The following CAMK1D variants were observed in gnomAD, a reference collection of about 807,000 sequenced individuals.
CAMK1D encodes calcium/calmodulin dependent protein kinase ID, also known as calcium/calmodulin-dependent protein kinase type 1D.
A neutral mutation model predicts 47.7 loss-of-function variants in CAMK1D; 9 were observed. The ratio of observed to expected loss-of-function variants is 0.19; its 90% CI spans 0.11 to 0.33. The LOEUF is 0.33. Among genes scored for constraint, CAMK1D ranks in the 10% least tolerant of loss-of-function variants. The probability of loss-of-function intolerance (pLI) is 1.00; values close to 1 mark genes in which losing one functional copy is unlikely to be tolerated. For synonymous variants in CAMK1D, 184 were observed against 184.9 expected (o/e 0.99, Z 0.04); for missense variants, 291 against 488.7 (o/e 0.60, Z 3.81).
chr10:12,674,043 T>C (rs978863243), intron 3 of CAMK1D, among the ~76,000 whole-genome samples: 4 of 152,164 alleles, frequency 2.6e-5, no homozygotes, highest in Admixed American at 6.5e-5. Flanking sequence ...ACTCCTGGGC[T>C]CAAGCGATTC....
At chr10:12,389,047 A>T (rs1486785034) in intron 1 of CAMK1D, among the ~76,000 whole-genome samples, 1 of 152,156 alleles carries the variant, frequency 6.6e-6, no homozygotes, top group African/African-American at 2.4e-5. Context: ...TTCCTGTCCG[A>T]TCTGTCCAAG....
intron 3 of CAMK1D, among the ~76,000 whole-genome samples, chr10:12,705,656 A>G (rs1443870490): frequency 6.6e-6 from 1 of 152,136 alleles, no homozygotes; most frequent in Non-Finnish European, 1.5e-5. Flanking sequence ...CTCAAGGTAA[A>G]TGCAACCAGA....
At chr10:12,482,410 A>G (rs534288224) in intron 1 of CAMK1D, among the ~76,000 whole-genome samples, 48 of 152,296 alleles carry the variant, frequency 3.2e-4, no homozygotes, top group South Asian at 2.7e-3. Flanking sequence ...CGGTAGCCAA[A>G]ATGGAGAAGT....
intron 3 of CAMK1D, among the ~76,000 whole-genome samples, chr10:12,718,727 T>G (rs977267628): frequency 6.6e-6 from 1 of 152,258 alleles, no homozygotes; most frequent in Non-Finnish European, 1.5e-5. Flanking sequence ...ACATGCATCA[T>G]GACTTAGAAT....
At chr10:12,728,328 G>T (rs922083809) in intron 3 of CAMK1D, among the ~76,000 whole-genome samples, 2 of 152,250 alleles carry the variant, frequency 1.3e-5, no homozygotes, top group Non-Finnish European at 2.9e-5. Flanking sequence ...TGCATTGTGA[G>T]CCTTCTTGGC....
At chr10:12,458,903 A>G (rs1383244342) in intron 1 of CAMK1D, among the ~76,000 whole-genome samples, 10 of 136,168 alleles carry the variant, frequency 7.3e-5, no homozygotes, top group African/African-American at 2.5e-4. Flanking sequence ...TTTTGAGATG[A>G]AATCTCGCTC....
At chr10:12,649,992 A>G (rs1839915170) in intron 2 of CAMK1D, among the ~76,000 whole-genome samples, 2 of 152,236 alleles carry the variant, frequency 1.3e-5, no homozygotes, top group African/African-American at 2.4e-5. Flanking sequence ...CATCTCTGCA[A>G]GAGAAAACAC....
chr10:12,421,742 T>A, intron 1 of CAMK1D, among the ~76,000 whole-genome samples: 1 of 151,484 alleles, frequency 6.6e-6, no homozygotes, highest in Admixed American at 6.6e-5. Context: ...GCCAGGCTGG[T>A]TACCCAGGAC....
chr10:12,594,769 CTG>C (rs143935692), intron 2 of CAMK1D, among the ~76,000 whole-genome samples: 2,035 of 152,268 alleles, frequency 0.013, 36 homozygotes, highest in African/African-American at 0.046. Context: ...AATCAGGAAA[CTG>C]TTTCCAGGAG....
At chr10:12,493,731 T>C (rs1834457130) in intron 1 of CAMK1D, among the ~76,000 whole-genome samples, 1 of 152,144 alleles carries the variant, frequency 6.6e-6, no homozygotes, top group Non-Finnish European at 1.5e-5. Flanking sequence ...TGACCTCTGG[T>C]GATCTGCCTG....
intron 3 of CAMK1D, among the ~76,000 whole-genome samples, chr10:12,719,914 G>A (rs1017678734): frequency 4.6e-5 from 7 of 152,186 alleles, no homozygotes; most frequent in Non-Finnish European, 7.4e-5. Flanking sequence ...AATCCAGCTC[G>A]AGTTTTAGCA....
intron 1 of CAMK1D, among the ~76,000 whole-genome samples, chr10:12,412,749 C>G (rs1839707990): frequency 6.8e-6 from 1 of 147,622 alleles, no homozygotes; most frequent in Non-Finnish European, 1.5e-5. Flanking sequence ...GGAAACCAGT[C>G]TTAAGTTGTA....
At chr10:12,350,331 A>G (rs1278951952) in intron 1 of CAMK1D, among the ~76,000 whole-genome samples, 1 of 152,246 alleles carries the variant, frequency 6.6e-6, no homozygotes, top group Non-Finnish European at 1.5e-5. Context: ...ATCAGCCTCC[A>G]GTCGTTCCCA....
chr10:12,780,568 G>A (rs1837450380), intron 5 of CAMK1D, among the ~76,000 whole-genome samples: 1 of 152,140 alleles, frequency 6.6e-6, no homozygotes, highest in Non-Finnish European at 1.5e-5. Context: ...CCCAGCGTCT[G>A]TCTTCTGAGT....
At chr10:12,743,001 T>C (rs994544038) in intron 3 of CAMK1D, among the ~76,000 whole-genome samples, 1 of 152,094 alleles carries the variant, frequency 6.6e-6, no homozygotes, top group Non-Finnish European at 1.5e-5. Context: ...GTCATCTTGG[T>C]ATGTCACCAG....
rs377626946 is a variant in CAMK1D, at chr10:12,676,154, G to A, written c.299+9344G>A. Among the ~76,000 whole-genome samples the A allele has an allele frequency of 3.9e-3, 592 of 152,190 alleles. 7 individuals carry two copies. The highest frequency in any genetic ancestry group is 0.013 in the African/African-American group (545 of 41,534). On this transcript the variant is annotated intron_variant, in intron 3 of 10. Transcript: ENST00000619168. ...TTTTTAGTAGAGACAGGGTTTCACC[G>A]TGTTGGCCTGGCTGGTCTCTAATTC...
intron 3 of CAMK1D, among the ~76,000 whole-genome samples, chr10:12,748,958 T>C (rs1429651228): frequency 6.6e-6 from 1 of 152,218 alleles, no homozygotes; most frequent in African/African-American, 2.4e-5. Flanking sequence ...GCTGCAGATT[T>C]TTCTGTGACT....
At chr10:12,365,233 G>A (rs1837796067) in intron 1 of CAMK1D, among the ~76,000 whole-genome samples, 1 of 152,098 alleles carries the variant, frequency 6.6e-6, no homozygotes, top group African/African-American at 2.4e-5. Context: ...TGGGATTACA[G>A]GTGTGAGCCA....
chr10:12,578,962 C>G (rs1344192154), intron 2 of CAMK1D: 1 of 152,522 alleles, frequency 6.6e-6, no homozygotes, highest in East Asian at 1.9e-4. Context: ...AATGTGCAGT[C>G]TAGTGGGTGC....
Sources: allele counts gnomAD v4.1 joint callset (sites outside exome capture counted in the v4.1 genomes callset), GRCh38; gene constraint gnomAD v4.1.1; transcripts MANE v1.5; gene names NCBI Gene and HGNC (gene_info 2026-07-23, HGNC 2026-07-21).